WAC: variants seen among roughly 807,000 people sequenced by gnomAD.
WAC encodes the protein WW domain containing adaptor with coiled-coil.
WAC carries 11 observed loss-of-function variants against 79.6 expected under a neutral mutation model. The observed-to-expected ratio is 0.14, with a 90% CI of 0.09 to 0.23. The LOEUF (loss-of-function observed/expected upper bound fraction) is 0.23, where lower values mean the gene tolerates loss of function less well. Ranked by LOEUF, WAC falls within the 10% of genes least tolerant of loss-of-function variation. The pLI is 1.00. For missense variants in WAC, 728 were observed against 773.5 expected (o/e 0.94, Z 0.70); for synonymous variants, 304 against 276.9 (o/e 1.10, Z -0.97).
In WAC at chr10:28,623,011, A is replaced by G. The variant is rs1841745119; in HGVS notation, c.*3405A>G. ...GAAAAGTAATAAATATGTTTTGACT[A>G]TATTGTGCAGTTATTTCAGAACTGT... is the stretch of plus-strand genomic sequence containing the variant. On this transcript the variant is annotated 3_prime_UTR_variant, in exon 14 of 14. Transcript: ENST00000354911. 6.6e-6 allele frequency: 1 copy of G among 152,154 alleles called. No homozygotes were observed. 9.4% of individuals were successfully genotyped at this position (152,154 alleles called of 1,614,324 possible).
intron 7 of WAC, among the ~76,000 whole-genome samples, chr10:28,601,452 A>G (rs1840644526): frequency 6.6e-6 from 1 of 152,126 alleles, no homozygotes; most frequent in South Asian, 2.1e-4. Context: ...ACCCTTGTAC[A>G]TTGTTGGTAG....
At chr10:28,575,102 T>C (rs1482605225) in intron 3 of WAC, among the ~76,000 whole-genome samples, 1 of 152,208 alleles carries the variant, frequency 6.6e-6, no homozygotes, top group African/African-American at 2.4e-5. Flanking sequence ...ATATCCTGTT[T>C]TTAAGTTTTT....
At chr10:28,555,040 C>T (rs1219661795) in intron 3 of WAC, among the ~76,000 whole-genome samples, 1 of 152,144 alleles carries the variant, frequency 6.6e-6, no homozygotes, top group African/African-American at 2.4e-5. Flanking sequence ...TGTGTTTTCC[C>T]CTCCCAAACC....
At chr10:28,555,437 AT>A (rs11324050) in intron 3 of WAC, among the ~76,000 whole-genome samples, 126,710 of 151,580 alleles carry the variant, frequency 0.84, 53,066 homozygotes, top group East Asian at 0.94. Context: ...AGTAAGGAAG[AT>A]TTTTTTTTTC....
chr10:28,566,169 TTCTG>T (rs1564389854), intron 3 of WAC, among the ~76,000 whole-genome samples: 1 of 152,210 alleles, frequency 6.6e-6, no homozygotes, highest in African/African-American at 2.4e-5. Context: ...GAAGAATACT[TTCTG>T]TCTTACTCTT....
Position 28,608,520 on chromosome 10 carries a change from G to GT in WAC, c.1165+93dup, listed in dbSNP as rs1419585705. The GT allele has an allele frequency of 3.7e-6, 5 of 1,333,336 alleles. No individual in the cohort carries two copies. In the African/African-American group the frequency reaches 7.5e-5, roughly 20 times the overall value. 82.6% of individuals were successfully genotyped at this position (1,333,336 alleles called of 1,614,324 possible). Reference sequence around the variant, plus strand: ...AATCCCCAGTTTAGGAATGGTCTTTGTTTTCTTTTGAAATTTATAGTTGAA... The same window carrying GT: ...AATCCCCAGTTTAGGAATGGTCTTTGTTTTTCTTTTGAAATTTATAGTTGAA... On this transcript the variant is annotated intron_variant, in intron 8 of 13. Transcript: ENST00000354911.
chr10:28,606,048 T>G (rs1840925990), intron 7 of WAC, among the ~76,000 whole-genome samples: 1 of 60,952 alleles, frequency 1.6e-5, no homozygotes. Context: ...CTGACAGCAG[T>G]TTTTTGGTTT....
chr10:28,537,616 T>C (rs1836752161), intron 3 of WAC: 1 of 152,228 alleles, frequency 6.6e-6, no homozygotes, highest in Non-Finnish European at 1.5e-5. Context: ...CTGTTGCTTA[T>C]TCATTCAACA....
At chr10:28,605,079 G>A (rs1840873810) in intron 7 of WAC, among the ~76,000 whole-genome samples, 1 of 152,214 alleles carries the variant, frequency 6.6e-6, no homozygotes. Flanking sequence ...GGTTGAGAGA[G>A]TGGAGCAATA....
At chr10:28,566,299 A>G (rs539156839) in intron 3 of WAC, among the ~76,000 whole-genome samples, 1 of 152,278 alleles carries the variant, frequency 6.6e-6, no homozygotes, top group Non-Finnish European at 1.5e-5. Flanking sequence ...GGGTGGGGCA[A>G]GTGTTGACTG....
intron 4 of WAC, among the ~76,000 whole-genome samples, chr10:28,585,074 A>G (rs1442120778): frequency 6.6e-6 from 1 of 152,174 alleles, no homozygotes; most frequent in Non-Finnish European, 1.5e-5. Context: ...TCAAAAAAGA[A>G]AAGAAAATCA....
Position 28,568,521 on chromosome 10 carries a change from C to T in WAC, c.275-14878C>T, listed in dbSNP as rs559518929. On this transcript the variant is annotated intron_variant, in intron 3 of 13. Transcript: ENST00000354911. The stretch of plus-strand genomic sequence containing the variant: ...TCAGCCTCCTGAGTAGCTAGGATTA[C>T]AGGCACCCGCCACCATGCCAGGCTA... 7.2e-5 allele frequency among the ~76,000 whole-genome samples: 11 copies of T among 152,162 alleles called. No homozygotes were observed. In the East Asian group the frequency reaches 2.1e-3, roughly 29 times the overall value.
At chr10:28,568,739 GT>G (rs1180705219) in intron 3 of WAC, among the ~76,000 whole-genome samples, 1 of 151,910 alleles carries the variant, frequency 6.6e-6, no homozygotes, top group Non-Finnish European at 1.5e-5. Context: ...TTCCCCTTAT[GT>G]CAGGCTTATT....
At chr10:28,537,969 G>C (rs930357633) in intron 3 of WAC, among the ~76,000 whole-genome samples, 1 of 152,068 alleles carries the variant, frequency 6.6e-6, no homozygotes, top group Non-Finnish European at 1.5e-5. Context: ...GTCTTCTGGA[G>C]TCTTCCAGCT....
intron 3 of WAC, among the ~76,000 whole-genome samples, chr10:28,570,497 A>G (rs1225367630): frequency 6.6e-6 from 1 of 152,244 alleles, no homozygotes; most frequent in Non-Finnish European, 1.5e-5. Flanking sequence ...AACAGACTGA[A>G]TTAAGAGTTG....
rs1564372694 is a variant in WAC, at chr10:28,541,410, TG to T, written c.274+5654del. On this transcript the variant is annotated intron_variant, in intron 3 of 13. Coordinates refer to ENST00000354911, the MANE Select transcript of WAC (RefSeq NM_016628.5). ...ACCAATTTTTGTGGGGTTGTGTGTG[TG>T]TGTGTTTTGTTTTTTTTTTTTTTTT... Among the ~76,000 whole-genome samples, 8 of 87,352 alleles carry T rather than the reference TG, an allele frequency of 9.2e-5. 1 individual carries two copies. Among genetic ancestry groups the T allele is most frequent in the African/African-American group, 3.0e-4 (8 of 26,484 alleles). The allele number at this position is 87,352 out of a possible 152,430, so 57.3% of individuals were successfully genotyped here.
intron 3 of WAC, among the ~76,000 whole-genome samples, chr10:28,582,180 T>C (rs937831546): frequency 6.6e-6 from 1 of 152,226 alleles, no homozygotes; most frequent in Non-Finnish European, 1.5e-5. Flanking sequence ...CCTTTTTTCC[T>C]GTCATACTCT....
At chr10:28,593,882 T>C (rs1589216694) in intron 6 of WAC, among the ~76,000 whole-genome samples, 1 of 152,334 alleles carries the variant, frequency 6.6e-6, no homozygotes. Flanking sequence ...GCTCTATGTT[T>C]AGAGAAACCT....
intron 4 of WAC, 71 bp downstream of exon 4, chr10:28,583,576 C>T: frequency 1.0e-6 from 1 of 962,026 alleles, no homozygotes; most frequent in Non-Finnish European, 1.5e-6. Flanking sequence ...AAATACAACC[C>T]ATGGCAAGTC....
Sources: allele counts gnomAD v4.1 joint callset (sites outside exome capture counted in the v4.1 genomes callset), GRCh38; gene constraint gnomAD v4.1.1; transcripts MANE v1.5; gene names NCBI Gene and HGNC (gene_info 2026-07-23, HGNC 2026-07-21).